The following TCEA3 variants were observed in gnomAD, a reference collection of about 807,000 sequenced individuals.
The protein encoded by TCEA3 is transcription elongation factor A protein 3.
TCEA3 carries 36 observed loss-of-function variants against 44.0 expected under a neutral mutation model. The observed-to-expected ratio is 0.82, with a 90% CI of 0.63 to 1.08. The LOEUF (loss-of-function observed/expected upper bound fraction) is 1.08, where lower values mean the gene tolerates loss of function less well. Among genes scored for constraint, TCEA3 ranks in the 50% least tolerant of loss-of-function variants. The pLI is 0.00. For synonymous variants in TCEA3, 162 were observed against 159.7 expected (o/e 1.01, Z -0.11); for missense variants, 392 against 441.2 (o/e 0.89, Z 1.00).
chr1:23,421,653 C>T (rs1640070033), intron 1 of TCEA3, among the ~76,000 whole-genome samples: 1 of 152,196 alleles, frequency 6.6e-6, no homozygotes, highest in Non-Finnish European at 1.5e-5. Flanking sequence ...ATAATATTTC[C>T]ACTGTACAGA....
At position 23,422,610 on chromosome 1, in the gene TCEA3, C is replaced by T. The variant is rs374149028; in HGVS notation, c.69+1955G>A. Among the ~76,000 whole-genome samples, 54 of 152,280 alleles carry T rather than the reference C, an allele frequency of 3.5e-4. 1 individual carries two copies. Among genetic ancestry groups the T allele is most frequent in the Middle Eastern group, 3.4e-3 (1 of 292 alleles). ...GCAGGCCCCACCTTTCTCGGCCAGA[C>T]GCCCAGAGCTCCATGCCCACCCAGA... On this transcript the variant is annotated intron_variant, in intron 1 of 10. Coordinates refer to ENST00000450454, the MANE Select transcript of TCEA3 (RefSeq NM_003196.3).
intron 8 of TCEA3, among the ~76,000 whole-genome samples, chr1:23,389,573 C>G (rs544322733): frequency 6.6e-6 from 1 of 152,140 alleles, no homozygotes; most frequent in Non-Finnish European, 1.5e-5. Flanking sequence ...TCGCTTGAAC[C>G]TGGGAGGTGG....
At chr1:23,389,773 G>C (rs1638966133) in intron 8 of TCEA3, among the ~76,000 whole-genome samples, 1 of 152,202 alleles carries the variant, frequency 6.6e-6, no homozygotes, top group Non-Finnish European at 1.5e-5. Context: ...AGCTTCCATG[G>C]GACAAAATGC....
rs147752339 is a variant in TCEA3 at position 23,417,770 on chromosome 1, C to T, written c.238+134G>A. ...TGGCAGTCCCCCACTAGCTACCTCC[C>T]GGATCCAGAGGCCATCTGTCACTGA... On this transcript the variant is annotated intron_variant, in intron 3 of 10. Transcript: ENST00000450454. The T allele has an allele frequency of 1.4e-4, 112 of 806,968 alleles. 1 individual carries two copies. The East Asian group carries it at 1.8e-3, about 13-fold the overall frequency. 50.0% of individuals were successfully genotyped at this position (806,968 alleles called of 1,614,324 possible).
Position 23,424,722 on chromosome 1 carries a change from C to T in TCEA3, c.-89G>A, listed in dbSNP as rs1640171184. ...AGGCGCGAAGGCGGAGGGCGCGCAA[C>T]CCGCGCGGGCCCCAAACACACACGA... On this transcript the variant is annotated 5_prime_UTR_variant, in exon 1 of 11. Transcript: ENST00000450454. 1.0e-6 allele frequency: 1 copy of T among 965,458 alleles called. No individual in the cohort carries two copies. Among genetic ancestry groups the T allele is most frequent in the African/African-American group, 1.7e-5 (1 of 60,150 alleles). 59.8% of individuals were successfully genotyped at this position (965,458 alleles called of 1,614,324 possible). A position where few individuals can be genotyped will look rare whatever the true frequency, so the allele number is the denominator to read the frequency against.
chr1:23,406,859 T>A (rs373687596), intron 5 of TCEA3, among the ~76,000 whole-genome samples: 1 of 152,170 alleles, frequency 6.6e-6, no homozygotes, highest in South Asian at 2.1e-4. Context: ...TGGCTTCAAG[T>A]GATCTGCCCG....
chr1:23,419,599 G>A (rs764600491), intron 1 of TCEA3, among the ~76,000 whole-genome samples: 8 of 152,202 alleles, frequency 5.3e-5, no homozygotes, highest in Non-Finnish European at 1.2e-4. Context: ...CACTTTGGGA[G>A]GCTGAGGTGG....
intron 8 of TCEA3, among the ~76,000 whole-genome samples, chr1:23,393,084 C>T (rs570146103): frequency 6.6e-6 from 1 of 152,146 alleles, no homozygotes; most frequent in East Asian, 1.9e-4. Flanking sequence ...GACAGATCAT[C>T]AGGCATTAGA....
Position 23,387,348 on chromosome 1 carries a change from C to T in TCEA3, c.891G>A (p.Met297Ile). ...CAGTGGTGGTGCCGCCAGTCTTGGC[C>T]ATCTGGTGCTCACGGATGGCCTCCT... Reference protein sequence around the residue: ...MTQEAIREHQMAKTGGTTTDL... With the variant: ...MTQEAIREHQIAKTGGTTTDL... The change falls in exon 9 of 11, where the codon ATG becomes ATA. Residue 297 changes from methionine (M) to isoleucine (I), a missense_variant. Coordinates refer to ENST00000450454, the MANE Select transcript of TCEA3 (RefSeq NM_003196.3). 6.2e-7 allele frequency: 1 copy of T among 1,613,740 alleles called. No individual in the cohort carries two copies. Among genetic ancestry groups the T allele is most frequent in the Non-Finnish European group, 8.5e-7 (1 of 1,179,808 alleles).
At chr1:23,406,910 C>CTGTG (rs1639560798) in intron 5 of TCEA3, among the ~76,000 whole-genome samples, 1 of 152,202 alleles carries the variant, frequency 6.6e-6, no homozygotes, top group African/African-American at 2.4e-5. Flanking sequence ...GCATGAGCCA[C>CTGTG]CGCACCTGGC....
At chr1:23,403,199 C>T (rs1558049689) in intron 5 of TCEA3, among the ~76,000 whole-genome samples, 3 of 152,228 alleles carry the variant, frequency 2.0e-5, no homozygotes, top group Admixed American at 6.5e-5. Context: ...GGAGCCCCAA[C>T]GAATGACAGT....
At chr1:23,417,820 T>C in intron 3 of TCEA3, 84 bp downstream of exon 3, 5 of 1,269,450 alleles carry the variant, frequency 3.9e-6, no homozygotes, top group Non-Finnish European at 5.7e-6. Context: ...AGACATACAC[T>C]GAGTGCTGGC....
At chr1:23,391,013 A>T (rs1374493249) in intron 8 of TCEA3, among the ~76,000 whole-genome samples, 1 of 152,022 alleles carries the variant, frequency 6.6e-6, no homozygotes, top group Non-Finnish European at 1.5e-5. Context: ...GAGGCATAAA[A>T]AGGGAGTCAG....
At chr1:23,408,409 A>G (rs1639613736) in intron 5 of TCEA3, among the ~76,000 whole-genome samples, 1 of 152,152 alleles carries the variant, frequency 6.6e-6, no homozygotes, top group Non-Finnish European at 1.5e-5. Context: ...TGCTAAATGG[A>G]TGGATGAATG....
chr1:23,393,872 C>T lies in TCEA3; in HGVS notation c.819+7G>A. 3 of 1,612,668 alleles carry T rather than the reference C, an allele frequency of 1.9e-6. No individual in the cohort carries two copies. The highest frequency in any genetic ancestry group is 8.5e-7 in the Non-Finnish European group (1 of 1,179,716). ...CCTGCCTCACCATGCAGATGCCCTG[C>T]TCTCACCTCTGCCGTCATCTTGGCT... On this transcript the variant is annotated splice_region_variant and intron_variant, in intron 8 of 10. Coordinates refer to ENST00000450454, the MANE Select transcript of TCEA3 (RefSeq NM_003196.3).
Position 23,410,013 on chromosome 1 carries a change from C to T in TCEA3, c.381-1287G>A, listed in dbSNP as rs563712568. 3.4e-4 allele frequency among the ~76,000 whole-genome samples: 51 copies of T among 152,182 alleles called. 2 individuals are homozygous for T. In the South Asian group the frequency reaches 0.01, roughly 30 times the overall value. On this transcript the variant is annotated intron_variant, in intron 4 of 10. Transcript: ENST00000450454. ...CAGTGCCTCTGGACCCAAGAGCTGCCTCCTGCAAGCTCCCCAGGGCCTCTG... is the reference window on the plus strand; with the variant it reads ...CAGTGCCTCTGGACCCAAGAGCTGCTTCCTGCAAGCTCCCCAGGGCCTCTG...
chr1:23,389,993 A>C (rs1638971652), intron 8 of TCEA3, among the ~76,000 whole-genome samples: 1 of 152,198 alleles, frequency 6.6e-6, no homozygotes, highest in Non-Finnish European at 1.5e-5. Flanking sequence ...GTAGCCAAGC[A>C]TTTACACGAG....
At chr1:23,393,371 A>G (rs1196169848) in intron 8 of TCEA3, among the ~76,000 whole-genome samples, 2 of 151,902 alleles carry the variant, frequency 1.3e-5, no homozygotes, top group Non-Finnish European at 2.9e-5. Context: ...CCATACATAC[A>G]CACACATACA....
chr1:23,422,485 A>AC (rs1424416875), intron 1 of TCEA3, among the ~76,000 whole-genome samples: 1 of 152,002 alleles, frequency 6.6e-6, no homozygotes, highest in African/African-American at 2.4e-5. Flanking sequence ...CCGGCAGTAA[A>AC]CCCCGGGCCT....
Sources: gnomAD v4.1 joint callset for allele counts (sites outside exome capture counted in the v4.1 genomes callset) on GRCh38, gnomAD v4.1.1 for gene constraint, MANE v1.5 for transcripts, NCBI Gene and HGNC (gene_info 2026-07-23, HGNC 2026-07-21) for gene names.